Variants in ZNF334 observed in about 807,000 individuals in gnomAD.
ZNF334 encodes zinc finger protein 334.
In ZNF334, 14 loss-of-function variants were observed where a neutral mutation model predicts 12.4. The ratio of observed to expected loss-of-function variants is 1.13; its 90% CI spans 0.74 to 1.76. The LOEUF is 1.76. Ranked by LOEUF, ZNF334 falls within the 40% of genes most tolerant of loss-of-function variation. The probability of loss-of-function intolerance (pLI) is 0.00; values close to 1 mark genes in which losing one functional copy is unlikely to be tolerated. For synonymous variants in ZNF334, 273 were observed against 269.6 expected (o/e 1.01, Z -0.12); for missense variants, 797 against 804.5 (o/e 0.99, Z 0.11).
rs1234168793 is a variant in ZNF334 at position 46,504,654 on chromosome 20, C to T, written c.108G>A (p.Arg36=). ...TGCTGTAGTTCTCCAGCATCACATC[C>T]CTGTACAGGAGCCTCTGAGCAGGGT... The part of the protein sequence containing the change: ...QLDPAQRLLY[R]DVMLENYSNL... The change falls in exon 3 of 5, where the codon AGG becomes AGA. Residue 36 remains arginine, a synonymous_variant. Coordinates refer to ENST00000692313, the MANE Select transcript of ZNF334 (RefSeq NM_001353824.2). 2.5e-6 allele frequency: 4 copies of T among 1,611,218 alleles called. No homozygotes were observed. The highest frequency in any genetic ancestry group is 2.2e-5 in the East Asian group (1 of 44,734).
At chr20:46,463,412 T>A in the ZNF334 span, among the ~76,000 whole-genome samples, 1 of 152,154 alleles carries the variant, frequency 6.6e-6, no homozygotes, top group African/African-American at 2.4e-5. Context: ...GGAACAGATA[T>A]AAAAACACAG....
the ZNF334 span, among the ~76,000 whole-genome samples, chr20:46,468,554 G>C: frequency 6.6e-6 from 1 of 151,986 alleles, no homozygotes; most frequent in African/African-American, 2.4e-5. Flanking sequence ...GTAAGTGTTG[G>C]GATTACGGGC....
downstream of ZNF334, among the ~76,000 whole-genome samples, chr20:46,497,895 C>T (rs917497153): frequency 1.3e-5 from 2 of 152,228 alleles, no homozygotes; most frequent in Non-Finnish European, 2.9e-5. Context: ...CTTAAAAAGG[C>T]TACCTTTCCC....
chr20:46,495,054 A>C (rs1294382720), downstream of ZNF334, among the ~76,000 whole-genome samples: 1 of 152,208 alleles, frequency 6.6e-6, no homozygotes, highest in Admixed American at 6.5e-5. Flanking sequence ...TTTAATATTA[A>C]AATCACATAA....
the ZNF334 span, among the ~76,000 whole-genome samples, chr20:46,480,355 C>G: frequency 6.6e-6 from 1 of 152,114 alleles, no homozygotes; most frequent in Non-Finnish European, 1.5e-5. Context: ...TGGATTCCCC[C>G]ATGTCACTGA....
the ZNF334 span, chr20:46,464,748 G>C: frequency 1.6e-5 from 8 of 493,444 alleles, no homozygotes; most frequent in African/African-American, 1.4e-4. Flanking sequence ...TGCAGAAAGG[G>C]GCAGTGTACG....
chr20:46,488,910 C>T, the ZNF334 span, among the ~76,000 whole-genome samples: 3 of 151,276 alleles, frequency 2.0e-5, no homozygotes, highest in Admixed American at 6.6e-5. Flanking sequence ...GTGCCATGTA[C>T]ATAACGTCTT....
At chr20:46,488,416 ATT>A in the ZNF334 span, among the ~76,000 whole-genome samples, 8 of 79,352 alleles carry the variant, frequency 1.0e-4, no homozygotes, top group African/African-American at 4.2e-4. Flanking sequence ...TGTAGCTCTT[ATT>A]TTATATATAT....
At chr20:46,496,231 C>T (rs142648498), downstream of ZNF334, among the ~76,000 whole-genome samples, 5 of 152,178 alleles carry the variant, frequency 3.3e-5, no homozygotes, top group African/African-American at 7.2e-5. Flanking sequence ...CAGGCCCAAA[C>T]CTGATTACCA....
chr20:46,469,320 C>T, the ZNF334 span, among the ~76,000 whole-genome samples: 5 of 151,206 alleles, frequency 3.3e-5, no homozygotes, highest in African/African-American at 7.3e-5. Flanking sequence ...CACTCCCGGA[C>T]GGTAGCAGGA....
At chr20:46,494,284 A>G in the ZNF334 span, among the ~76,000 whole-genome samples, 2 of 152,160 alleles carry the variant, frequency 1.3e-5, no homozygotes, top group South Asian at 4.1e-4. Flanking sequence ...ATTGGCCTCA[A>G]TCCATAGACA....
chr20:46,480,723 T>C, the ZNF334 span, among the ~76,000 whole-genome samples: 3 of 152,082 alleles, frequency 2.0e-5, no homozygotes, highest in African/African-American at 7.2e-5. Context: ...AGGTTCTGGG[T>C]GTGATGATCT....
chr20:46,468,914 A>T, the ZNF334 span, among the ~76,000 whole-genome samples: 2 of 152,200 alleles, frequency 1.3e-5, no homozygotes, highest in East Asian at 3.9e-4. Context: ...TATAATTGAA[A>T]TTCCTGTACT....
chr20:46,497,771 T>C (rs1442766469), downstream of ZNF334, among the ~76,000 whole-genome samples: 1 of 152,264 alleles, frequency 6.6e-6, no homozygotes, highest in African/African-American at 2.4e-5. Context: ...TTCTCTCATA[T>C]AATCTTATTC....
In ZNF334 at chr20:46,512,136, C is replaced by T; in HGVS notation, c.-34G>A. 1 of 1,613,106 alleles carries T rather than the reference C, an allele frequency of 6.2e-7. No individual in the cohort carries two copies. The highest frequency in any genetic ancestry group is 8.5e-7 in the Non-Finnish European group (1 of 1,179,282). ...GAGAAAGGGCCAAGAGTGTTGAAAG[C>T]AGAGCTGGGTAAGGAAGAATGGCGA... On this transcript the variant is annotated 5_prime_UTR_variant, in exon 2 of 5. Coordinates refer to ENST00000692313, the MANE Select transcript of ZNF334 (RefSeq NM_001353824.2).
chr20:46,474,743 G>A, the ZNF334 span: 1 of 152,204 alleles, frequency 6.6e-6, no homozygotes, highest in African/African-American at 2.4e-5. Context: ...AGTATAAAGA[G>A]CAAAATGCTA....
chr20:46,465,524 C>A, the ZNF334 span, among the ~76,000 whole-genome samples: 1 of 152,052 alleles, frequency 6.6e-6, no homozygotes, highest in East Asian at 1.9e-4. Flanking sequence ...ATAATATAAC[C>A]CCATCTCTAA....
chr20:46,485,750 C>T, the ZNF334 span: 1 of 151,996 alleles, frequency 6.6e-6, no homozygotes, highest in Non-Finnish European at 1.5e-5. Context: ...GAGTAAAATA[C>T]CAAATTCATT....
chr20:46,495,030 A>G (rs563471923), downstream of ZNF334, among the ~76,000 whole-genome samples: 23 of 152,322 alleles, frequency 1.5e-4, no homozygotes, highest in African/African-American at 5.5e-4. Flanking sequence ...AAAGTTTTAT[A>G]TTTTCATTGG....
Sources: allele counts gnomAD v4.1 joint callset (sites outside exome capture counted in the v4.1 genomes callset), GRCh38; gene constraint gnomAD v4.1.1; transcripts MANE v1.5; gene names NCBI Gene and HGNC (gene_info 2026-07-23, HGNC 2026-07-21).